The following LMBR1 variants were observed in gnomAD, a reference collection of about 807,000 sequenced individuals.
LMBR1 encodes limb region 1 protein homolog.
In LMBR1, 52 loss-of-function variants were observed where a neutral mutation model predicts 73.9. The observed-to-expected ratio is 0.70, with a 90% CI of 0.56 to 0.89. The LOEUF is 0.89. LMBR1 is among the 40% of genes least tolerant of loss of function. The probability of loss-of-function intolerance (pLI) is 0.00; values close to 1 mark genes in which losing one functional copy is unlikely to be tolerated. For missense variants in LMBR1, 539 were observed against 579.8 expected, an observed-to-expected ratio of 0.93 and a Z score of 0.72; for synonymous variants, 215 against 209.4, an observed-to-expected ratio of 1.03 and a Z score of -0.23.
intron 4 of LMBR1, among the ~76,000 whole-genome samples, chr7:156,798,846 G>C (rs189249906): frequency 6.6e-6 from 1 of 152,210 alleles, no homozygotes; most frequent in East Asian, 1.9e-4. Flanking sequence ...TTTTACACAA[G>C]ATAGTTTTAT....
chr7:156,890,755 C>T (rs999102823), intron 1 of LMBR1, among the ~76,000 whole-genome samples: 3 of 152,208 alleles, frequency 2.0e-5, no homozygotes, highest in Non-Finnish European at 4.4e-5. Flanking sequence ...CGGAAGTGTA[C>T]ACTGGTACAA....
intron 10 of LMBR1, 25 bp downstream of exon 10, chr7:156,734,152 A>T (rs772778275): frequency 5.5e-6 from 8 of 1,460,440 alleles, no homozygotes; most frequent in Non-Finnish European, 7.5e-6. Context: ...CCAATACACA[A>T]GTCAAGAAAA....
In LMBR1 at chr7:156,787,722, T is replaced by C. The variant is rs541936031; in HGVS notation, c.423+8667A>G. 2.0e-5 allele frequency among the ~76,000 whole-genome samples: 3 copies of C among 152,344 alleles called. No individual in the cohort carries two copies. In the East Asian group the frequency reaches 5.8e-4, roughly 29 times the overall value. ...ATAAATATTTCTCAGTAAGTAACAT[T>C]CCATGTCTAAGTTGTCTATTTTCAA... On this transcript the variant is annotated intron_variant, in intron 5 of 16. Transcript: ENST00000353442.
intron 1 of LMBR1, among the ~76,000 whole-genome samples, chr7:156,845,012 G>A (rs967358323): frequency 3.3e-5 from 5 of 152,030 alleles, no homozygotes; most frequent in African/African-American, 9.7e-5. Context: ...AAGGCCTATC[G>A]GCTTCAACTA....
chr7:156,701,673 T>G (rs893042059), intron 15 of LMBR1, among the ~76,000 whole-genome samples: 2 of 152,212 alleles, frequency 1.3e-5, no homozygotes, highest in Non-Finnish European at 2.9e-5. Flanking sequence ...CTGGGATACA[T>G]GTGCAGGATG....
chr7:156,684,576 C>G (rs186272942), intron 16 of LMBR1, among the ~76,000 whole-genome samples: 1 of 152,298 alleles, frequency 6.6e-6, no homozygotes, highest in African/African-American at 2.4e-5. Flanking sequence ...GCTAATAAAC[C>G]TCTTCCTGGC....
chr7:156,676,414 C>T (rs201493759), downstream of LMBR1: 698 of 1,614,048 alleles, frequency 4.3e-4, 11 homozygotes, highest in South Asian at 7.0e-3. Context: ...TCCTGTGTGC[C>T]GCAGGCTCTG....
intron 4 of LMBR1, among the ~76,000 whole-genome samples, chr7:156,819,234 T>A (rs779009786): frequency 2.0e-5 from 3 of 152,180 alleles, no homozygotes; most frequent in Non-Finnish European, 4.4e-5. Context: ...GGTTAACACA[T>A]AACATCTCAA....
rs572637285 is a variant in LMBR1, at chr7:156,880,754, G to A, written c.66+12174C>T. Reference sequence around the variant, plus strand: ...TGCAACCTCTGCCTCCTGGGTTCAAGTGATTCTCCTGCCTCAGCCTCCCGA... The same window carrying A: ...TGCAACCTCTGCCTCCTGGGTTCAAATGATTCTCCTGCCTCAGCCTCCCGA... On this transcript the variant is annotated intron_variant, in intron 1 of 16. Transcript: ENST00000353442. Among the ~76,000 whole-genome samples the A allele has an allele frequency of 7.9e-4, 121 of 152,234 alleles. 1 individual carries two copies. The highest frequency in any genetic ancestry group is 2.8e-3 in the African/African-American group (118 of 41,548).
chr7:156,703,046 C>A (rs1210862609), intron 15 of LMBR1, among the ~76,000 whole-genome samples: 1 of 152,180 alleles, frequency 6.6e-6, no homozygotes, highest in Non-Finnish European at 1.5e-5. Flanking sequence ...CCCTGGGAAA[C>A]TGTACAATCC....
chr7:156,851,310 G>C (rs375643493), intron 1 of LMBR1, among the ~76,000 whole-genome samples: 1 of 152,082 alleles, frequency 6.6e-6, no homozygotes, highest in Non-Finnish European at 1.5e-5. Context: ...TCTTCTCATA[G>C]TTGCTAAACT....
chr7:156,698,172 A>C (rs2132016813), intron 15 of LMBR1, among the ~76,000 whole-genome samples: 1 of 152,358 alleles, frequency 6.6e-6, no homozygotes, highest in East Asian at 1.9e-4. Flanking sequence ...CATCCAGGTC[A>C]TGGTGATGCA....
In LMBR1 at chr7:156,679,129, G is replaced by C. The variant is rs1017479458; in HGVS notation, c.*4949C>G. On this transcript the variant is annotated 3_prime_UTR_variant, in exon 17 of 17. Transcript: ENST00000353442. ...ACTGTAAGCGTGACCCCAGGCAAAT[G>C]TCTGCAGCTTTCTCAGTGGCGTTCC... 9 of 152,222 alleles carry C rather than the reference G, an allele frequency of 5.9e-5. No homozygotes were observed. Among genetic ancestry groups the C allele is most frequent in the African/African-American group, 2.2e-4 (9 of 41,440 alleles). 9.4% of individuals were successfully genotyped at this position (152,222 alleles called of 1,614,324 possible). A position where few individuals can be genotyped will look rare whatever the true frequency, so the allele number is the denominator to read the frequency against.
chr7:156,811,100 A>G lies in LMBR1; in HGVS notation c.320-14608T>C, dbSNP rs140445053. On this transcript the variant is annotated intron_variant, in intron 4 of 16. Coordinates refer to ENST00000353442, the MANE Select transcript of LMBR1 (RefSeq NM_022458.4). ...TGCCAGGATTACAGGCATGAGCCAC[A>G]GCGCCCAGCCCCACTTTTGAATAGT... Among the ~76,000 whole-genome samples, 315 of 152,140 alleles carry G rather than the reference A, an allele frequency of 2.1e-3. 8 individuals are homozygous for G. The East Asian group carries it at 0.032, about 15-fold the overall frequency.
chr7:156,853,516 G>A (rs566268420), intron 1 of LMBR1, among the ~76,000 whole-genome samples: 32 of 152,052 alleles, frequency 2.1e-4, no homozygotes, highest in Non-Finnish European at 4.3e-4. Flanking sequence ...AAAATTAAAA[G>A]TAAAATAGAA....
intron 1 of LMBR1, among the ~76,000 whole-genome samples, chr7:156,862,161 T>C (rs1797816150): frequency 6.6e-6 from 1 of 152,194 alleles, no homozygotes; most frequent in Non-Finnish European, 1.5e-5. Flanking sequence ...CAGTTCCACA[T>C]GGCTGGAGAG....
chr7:156,748,790 A>G (rs536022289), intron 9 of LMBR1, among the ~76,000 whole-genome samples: 39 of 152,254 alleles, frequency 2.6e-4, no homozygotes, highest in African/African-American at 9.1e-4. Flanking sequence ...CACCCAGCCA[A>G]TTTGGATCAT....
At chr7:156,700,884 A>C (rs539808240) in intron 15 of LMBR1, among the ~76,000 whole-genome samples, 1 of 152,302 alleles carries the variant, frequency 6.6e-6, no homozygotes, top group East Asian at 1.9e-4. Context: ...TGGGAAGAAA[A>C]ACAGGTTTAA....
At chr7:156,773,069 A>G (rs887408561) in intron 5 of LMBR1, among the ~76,000 whole-genome samples, 14 of 152,144 alleles carry the variant, frequency 9.2e-5, no homozygotes, top group African/African-American at 3.1e-4. Context: ...GACCAATAAC[A>G]TCCAAGAATG....
Sources: gnomAD v4.1 joint callset for allele counts (sites outside exome capture counted in the v4.1 genomes callset) on GRCh38, gnomAD v4.1.1 for gene constraint, MANE v1.5 for transcripts, NCBI Gene and HGNC (gene_info 2026-07-23, HGNC 2026-07-21) for gene names.